NAALADL2: variants seen among roughly 807,000 people sequenced by gnomAD.
The protein encoded by NAALADL2 is inactive N-acetylated-alpha-linked acidic dipeptidase-like protein 2.
A neutral mutation model predicts 87.2 loss-of-function variants in NAALADL2; 76 were observed. The ratio of observed to expected loss-of-function variants is 0.87; its 90% CI spans 0.72 to 1.05. The LOEUF is 1.05. Among genes scored for constraint, NAALADL2 ranks in the 50% least tolerant of loss-of-function variants. The pLI, the probability that NAALADL2 is intolerant of heterozygous loss-of-function variation, is 0.00. For synonymous variants in NAALADL2, 354 were observed against 331.0 expected (o/e 1.07, Z -0.75); for missense variants, 1,089 against 945.8 (o/e 1.15, Z -1.99).
At chr3:174,505,693 G>T (rs73881190) in intron 1 of NAALADL2, among the ~76,000 whole-genome samples, 4,781 of 152,112 alleles carry the variant, frequency 0.031, 239 homozygotes, top group African/African-American at 0.11. Context: ...CATTTTTCTA[G>T]TATTTTATTC....
At chr3:175,361,798 G>A (rs142502234) in intron 5 of NAALADL2, among the ~76,000 whole-genome samples, 2,562 of 147,878 alleles carry the variant, frequency 0.017, 197 homozygotes, top group African/African-American at 0.06. Context: ...TTGTAAAAAT[G>A]TTCTCCCATT....
chr3:175,418,394 T>C (rs1715047796), intron 5 of NAALADL2, among the ~76,000 whole-genome samples: 1 of 152,182 alleles, frequency 6.6e-6, no homozygotes, highest in Non-Finnish European at 1.5e-5. Context: ...TGCATTATTG[T>C]TGGATTCAAT....
chr3:175,364,418 G>A (rs115426348), intron 5 of NAALADL2, among the ~76,000 whole-genome samples: 2,934 of 147,794 alleles, frequency 0.02, 248 homozygotes, highest in African/African-American at 0.069. Context: ...CAAATTTCAG[G>A]TTCTGAGGAA....
intron 1 of NAALADL2, among the ~76,000 whole-genome samples, chr3:174,923,297 A>G (rs1208619233): frequency 1.3e-5 from 2 of 152,220 alleles, no homozygotes; most frequent in Non-Finnish European, 2.9e-5. Context: ...ATAAATGATC[A>G]TTACAGATTT....
chr3:174,451,353 C>T (rs905458329), intron 1 of NAALADL2, among the ~76,000 whole-genome samples: 1 of 152,146 alleles, frequency 6.6e-6, no homozygotes, highest in Non-Finnish European at 1.5e-5. Flanking sequence ...AAGAAGGTGG[C>T]TGTTCTTTTA....
chr3:175,467,659 C>T (rs1045728965), intron 8 of NAALADL2, among the ~76,000 whole-genome samples: 1 of 151,890 alleles, frequency 6.6e-6, no homozygotes, highest in Non-Finnish European at 1.5e-5. Flanking sequence ...CCACTTTTTC[C>T]TCCTTTTACC....
At chr3:174,498,504 A>T (rs954032327) in intron 1 of NAALADL2, among the ~76,000 whole-genome samples, 8 of 151,722 alleles carry the variant, frequency 5.3e-5, no homozygotes, top group Admixed American at 3.9e-4. Flanking sequence ...TGCTACGAAC[A>T]TTCATGTATA....
At chr3:174,807,964 T>C (rs1394893834) in intron 3 of NAALADL2, among the ~76,000 whole-genome samples, 4 of 151,980 alleles carry the variant, frequency 2.6e-5, no homozygotes, top group Non-Finnish European at 5.9e-5. Flanking sequence ...CTATGTGGTA[T>C]CCCTTCATGT....
intron 3 of NAALADL2, among the ~76,000 whole-genome samples, chr3:175,248,872 CA>C (rs557844293): frequency 1.4e-4 from 22 of 152,108 alleles, no homozygotes; most frequent in Admixed American, 7.2e-4. Context: ...TTGTTATTGC[CA>C]AACAATATAA....
rs372416724 is a variant in NAALADL2 at position 174,965,040 on chromosome 3, A to T, written c.43+105590A>T. Among the ~76,000 whole-genome samples, 3 of 152,094 alleles carry T rather than the reference A, an allele frequency of 2.0e-5. No individual in the cohort carries two copies. The South Asian group carries it at 6.2e-4, about 31-fold the overall frequency. On this transcript the variant is annotated intron_variant, in intron 1 of 13. Transcript: ENST00000454872. ...CATTTATTTTCTCATTATTCCTACA[A>T]ATTAGAAATTCTAATTTAGTTGGCT... is the stretch of plus-strand genomic sequence containing the variant.
intron 2 of NAALADL2, among the ~76,000 whole-genome samples, chr3:174,708,309 A>G (rs1730294134): frequency 6.6e-6 from 1 of 152,204 alleles, no homozygotes; most frequent in African/African-American, 2.4e-5. Context: ...CCCCTCAATC[A>G]AACAGAATAT....
At chr3:175,687,487 A>C (rs550730480) in intron 11 of NAALADL2, among the ~76,000 whole-genome samples, 1 of 152,274 alleles carries the variant, frequency 6.6e-6, no homozygotes, top group East Asian at 1.9e-4. Flanking sequence ...AGCCGCATTT[A>C]ATCTTCCTAA....
At chr3:175,556,534 A>G (rs560471924) in intron 9 of NAALADL2, among the ~76,000 whole-genome samples, 22 of 152,186 alleles carry the variant, frequency 1.4e-4, no homozygotes, top group Admixed American at 7.9e-4. Flanking sequence ...TTTTGATTTC[A>G]GATGATGGGA....
At chr3:175,777,523 T>C (rs1436254169) in intron 13 of NAALADL2, among the ~76,000 whole-genome samples, 7 of 152,148 alleles carry the variant, frequency 4.6e-5, no homozygotes, top group Non-Finnish European at 1.5e-5. Context: ...CAAATTTATT[T>C]AGTATCTACT....
At chr3:175,189,684 G>C (rs1366188207) in intron 2 of NAALADL2, among the ~76,000 whole-genome samples, 1 of 152,024 alleles carries the variant, frequency 6.6e-6, no homozygotes, top group Non-Finnish European at 1.5e-5. Flanking sequence ...GTCAAGATAA[G>C]AATAACATTC....
rs1748766292 is a variant in NAALADL2, at chr3:175,766,890, T to TAAG, written c.2189+11475_2189+11477dup. On this transcript the variant is annotated intron_variant, in intron 13 of 13. Coordinates refer to ENST00000454872, the MANE Select transcript of NAALADL2 (RefSeq NM_207015.3). ...GAGTAGCAAAATTTTCTTCTTATAATAAGAAAGTAGATCTGTAAGCCACAA... is the reference window on the plus strand; with the variant it reads ...GAGTAGCAAAATTTTCTTCTTATAATAAGAAGAAAGTAGATCTGTAAGCCACAA... Among the ~76,000 whole-genome samples, 4 of 151,976 alleles carry TAAG rather than the reference T, an allele frequency of 2.6e-5. No individual in the cohort carries two copies. In the South Asian group the frequency reaches 8.3e-4, roughly 32 times the overall value.
intron 1 of NAALADL2, among the ~76,000 whole-genome samples, chr3:175,092,110 T>A (rs1439388943): frequency 7.2e-5 from 11 of 151,904 alleles, no homozygotes; most frequent in African/African-American, 2.7e-4. Flanking sequence ...GCACATTAAA[T>A]AATTTATCTC....
chr3:174,912,455 C>T (rs1733827596), intron 1 of NAALADL2, among the ~76,000 whole-genome samples: 1 of 152,052 alleles, frequency 6.6e-6, no homozygotes. Flanking sequence ...TACATGGACA[C>T]CCTAAGGCTG....
chr3:175,230,048 T>G (rs551283374), intron 2 of NAALADL2, among the ~76,000 whole-genome samples: 95 of 152,114 alleles, frequency 6.2e-4, no homozygotes, highest in African/African-American at 2.2e-3. Context: ...GCAACTCATA[T>G]ACGACAGAGT....
Sources: gnomAD v4.1 joint callset for allele counts (sites outside exome capture counted in the v4.1 genomes callset) on GRCh38, gnomAD v4.1.1 for gene constraint, MANE v1.5 for transcripts, NCBI Gene and HGNC (gene_info 2026-07-23, HGNC 2026-07-21) for gene names.